The following FSTL4 variants were observed in gnomAD, a reference collection of about 807,000 sequenced individuals.
FSTL4 encodes the protein follistatin like 4.
A neutral mutation model predicts 78.2 loss-of-function variants in FSTL4; 28 were observed. The observed-to-expected ratio is 0.36, with a 90% CI of 0.27 to 0.49. The LOEUF (loss-of-function observed/expected upper bound fraction) is 0.49. Ranked by LOEUF, FSTL4 falls within the 20% of genes least tolerant of loss-of-function variation. The pLI, the probability that FSTL4 is intolerant of heterozygous loss-of-function variation, is 0.98. For synonymous variants in FSTL4, 422 were observed against 440.5 expected (o/e 0.96, Z 0.53); for missense variants, 922 against 1,084.9 (o/e 0.85, Z 2.11).
the FSTL4 span, among the ~76,000 whole-genome samples, chr5:133,701,509 A>ACACACACACACCCC: frequency 7.2e-4 from 95 of 132,676 alleles, no homozygotes; most frequent in East Asian, 0.013. Flanking sequence ...ACACACACAC[A>ACACACACACACCCC]CCCCACAGGC....
chr5:133,546,335 G>A (rs1467109373), intron 3 of FSTL4, among the ~76,000 whole-genome samples: 1 of 151,732 alleles, frequency 6.6e-6, no homozygotes, highest in Non-Finnish European at 1.5e-5. Flanking sequence ...GTGAAACCCC[G>A]TCTCTACTAA....
intron 4 of FSTL4, among the ~76,000 whole-genome samples, chr5:133,378,616 A>G (rs781080343): frequency 1.2e-4 from 18 of 152,154 alleles, no homozygotes; most frequent in Non-Finnish European, 2.6e-4. Flanking sequence ...TGTAACAGTA[A>G]TAGCAGAAAA....
At chr5:133,295,917 C>T (rs1248679021) in intron 6 of FSTL4, among the ~76,000 whole-genome samples, 3 of 152,222 alleles carry the variant, frequency 2.0e-5, no homozygotes, top group African/African-American at 7.2e-5. Context: ...ACTCAGTGAT[C>T]TCATCCAACT....
At chr5:133,282,618 T>A (rs1753035225) in intron 6 of FSTL4, among the ~76,000 whole-genome samples, 1 of 152,178 alleles carries the variant, frequency 6.6e-6, no homozygotes, top group Non-Finnish European at 1.5e-5. Flanking sequence ...GTTCTGGGAA[T>A]GACAGCCATC....
At chr5:133,412,663 T>A (rs1387343142) in intron 3 of FSTL4, among the ~76,000 whole-genome samples, 3 of 152,194 alleles carry the variant, frequency 2.0e-5, no homozygotes, top group Non-Finnish European at 2.9e-5. Context: ...TCATTTTGAA[T>A]TTTCCCATGT....
rs554496428 is a variant in FSTL4 at position 133,281,819 on chromosome 5, AGGAGCAGGTCATG to A, written c.727+30822_727+30834del. ...TTCCAGGGCATGGGTTGGGTCTCAA[AGGAGCAGGTCATG>A]GGGTTTGGGTCAGGACTTCTGGGGA... On this transcript the variant is annotated intron_variant, in intron 6 of 15. Coordinates refer to ENST00000265342, the MANE Select transcript of FSTL4 (RefSeq NM_015082.2). Among the ~76,000 whole-genome samples the A allele has an allele frequency of 5.3e-5, 8 of 152,240 alleles. No homozygotes were observed. The South Asian group carries it at 1.7e-3, about 32-fold the overall frequency.
chr5:133,461,018 T>G (rs1268944712), intron 3 of FSTL4, among the ~76,000 whole-genome samples: 1 of 152,254 alleles, frequency 6.6e-6, no homozygotes, highest in Non-Finnish European at 1.5e-5. Context: ...AAATAAAGTT[T>G]TGGACACTAG....
intron 6 of FSTL4, among the ~76,000 whole-genome samples, chr5:133,308,284 C>A (rs909777124): frequency 6.6e-6 from 1 of 152,192 alleles, no homozygotes; most frequent in Non-Finnish European, 1.5e-5. Context: ...TGAAACCAGC[C>A]CATAGGCATT....
chr5:133,472,063 G>T (rs1303296428), intron 3 of FSTL4, among the ~76,000 whole-genome samples: 2 of 152,204 alleles, frequency 1.3e-5, no homozygotes, highest in Admixed American at 6.5e-5. Flanking sequence ...TCTGGTTTCA[G>T]AATTACCGTG....
the FSTL4 span, among the ~76,000 whole-genome samples, chr5:133,684,104 G>A: frequency 1.3e-5 from 2 of 152,324 alleles, no homozygotes; most frequent in East Asian, 1.9e-4. Flanking sequence ...GGGAACAGGC[G>A]AGAGAGAGAA....
intron 4 of FSTL4, among the ~76,000 whole-genome samples, chr5:133,373,251 C>T (rs1282623980): frequency 2.0e-5 from 3 of 152,196 alleles, no homozygotes; most frequent in Non-Finnish European, 4.4e-5. Flanking sequence ...TACGAAGAGC[C>T]CCCAGGGCTC....
intron 6 of FSTL4, among the ~76,000 whole-genome samples, chr5:133,284,524 T>A (rs1437180410): frequency 6.6e-6 from 1 of 152,148 alleles, no homozygotes; most frequent in African/African-American, 2.4e-5. Context: ...CCGGGCAGTC[T>A]CCTCCCTCTA....
At chr5:133,304,405 C>T (rs1753612729) in intron 6 of FSTL4, among the ~76,000 whole-genome samples, 1 of 152,046 alleles carries the variant, frequency 6.6e-6, no homozygotes, top group Admixed American at 6.5e-5. Context: ...GGAGTTCTTA[C>T]CCCAGGAATA....
the FSTL4 span, among the ~76,000 whole-genome samples, chr5:133,656,455 G>A: frequency 1.3e-5 from 2 of 152,174 alleles, no homozygotes; most frequent in African/African-American, 4.8e-5. Context: ...GAAAGCCCTT[G>A]GGCAAGGAGG....
the FSTL4 span, among the ~76,000 whole-genome samples, chr5:133,749,348 G>A: frequency 6.6e-6 from 1 of 152,194 alleles, no homozygotes; most frequent in African/African-American, 2.4e-5. Context: ...ACCAGCCTGA[G>A]GGTTTCCAGC....
At chr5:133,356,157 C>G in intron 4 of FSTL4, among the ~76,000 whole-genome samples, 1 of 152,214 alleles carries the variant, frequency 6.6e-6, no homozygotes, top group East Asian at 1.9e-4. Context: ...TTCATGCAGA[C>G]AGCTATGTAC....
rs1750939630 is a variant in FSTL4 at position 133,217,279 on chromosome 5, C to T, written c.1558G>A (p.Ala520Thr). ...RNRYIYVAQP[A>T]LSRVLVVDIQ... ...TCGACCACAAGGACTCTGCTCAGTGCTGGCTGGGCCACATAGATGTACCGG... is the reference window on the plus strand; with the variant it reads ...TCGACCACAAGGACTCTGCTCAGTGTTGGCTGGGCCACATAGATGTACCGG... Residue 520 changes from alanine to threonine, a missense_variant, in exon 13 of 16, where the codon GCA becomes ACA. By Grantham distance (58) the Ala-to-Thr change is moderately conservative (BLOSUM62 0). Transcript: ENST00000265342. The T allele has an allele frequency of 5.6e-6, 9 of 1,613,682 alleles. No individual in the cohort carries two copies. Among genetic ancestry groups the T allele is most frequent in the Non-Finnish European group, 7.6e-6 (9 of 1,179,714 alleles).
intron 6 of FSTL4, among the ~76,000 whole-genome samples, chr5:133,295,997 T>A (rs982485959): frequency 2.0e-5 from 3 of 152,236 alleles, no homozygotes; most frequent in African/African-American, 7.2e-5. Flanking sequence ...CCTCTCCTCG[T>A]CTATCCAACT....
At chr5:133,554,702 C>T (rs1256589444) in intron 3 of FSTL4, among the ~76,000 whole-genome samples, 2 of 152,218 alleles carry the variant, frequency 1.3e-5, no homozygotes, top group African/African-American at 2.4e-5. Flanking sequence ...AAATATCTGT[C>T]ACCTTGTAGT....
Sources: allele counts gnomAD v4.1 joint callset (sites outside exome capture counted in the v4.1 genomes callset), GRCh38; gene constraint gnomAD v4.1.1; transcripts MANE v1.5; gene names NCBI Gene and HGNC (gene_info 2026-07-23, HGNC 2026-07-21).